Variants in FAM110B observed in about 807,000 individuals in gnomAD.
FAM110B encodes the protein family with sequence similarity 110 member B.
In FAM110B, 6 loss-of-function variants were observed where a neutral mutation model predicts 20.4. The ratio of observed to expected loss-of-function variants is 0.29; its 90% CI spans 0.16 to 0.58. FAM110B has a LOEUF of 0.58. Among genes scored for constraint, FAM110B ranks in the 20% least tolerant of loss-of-function variants. The pLI is 0.90. For missense variants in FAM110B, 434 were observed against 498.2 expected, an observed-to-expected ratio of 0.87 and a Z score of 1.23; for synonymous variants, 226 against 214.1, an observed-to-expected ratio of 1.06 and a Z score of -0.49.
chr8:58,115,741 G>A (rs969318731), intron 3 of FAM110B, among the ~76,000 whole-genome samples: 3 of 152,240 alleles, frequency 2.0e-5, no homozygotes, highest in East Asian at 1.9e-4. Flanking sequence ...TCCAGACATC[G>A]GTACTGTACA....
At chr8:58,091,190 C>T (rs529036151) in intron 3 of FAM110B, among the ~76,000 whole-genome samples, 1 of 152,328 alleles carries the variant, frequency 6.6e-6, no homozygotes, top group Admixed American at 6.5e-5. Context: ...TTTTCATACT[C>T]CTCTCTTCAG....
intron 3 of FAM110B, among the ~76,000 whole-genome samples, chr8:58,135,907 C>T (rs894260002): frequency 3.3e-5 from 5 of 151,856 alleles, no homozygotes; most frequent in Non-Finnish European, 7.4e-5. Context: ...TTATAATCAC[C>T]GAGTTCATTG....
intron 3 of FAM110B, among the ~76,000 whole-genome samples, chr8:58,112,463 C>CTGAG (rs1450987738): frequency 1.3e-5 from 2 of 152,250 alleles, no homozygotes; most frequent in Non-Finnish European, 1.5e-5. Context: ...CTTCTGAAGT[C>CTGAG]TGAGTCATTG....
chr8:58,136,547 G>A (rs1032987478), intron 3 of FAM110B, among the ~76,000 whole-genome samples: 3 of 152,116 alleles, frequency 2.0e-5, no homozygotes, highest in East Asian at 3.9e-4. Context: ...AATTCTAGTG[G>A]CCCTGCTTTT....
intron 2 of FAM110B, among the ~76,000 whole-genome samples, chr8:58,075,218 G>T (rs910743724): frequency 3.3e-5 from 5 of 149,726 alleles, no homozygotes; most frequent in South Asian, 2.1e-4. Flanking sequence ...TGATTCTTGT[G>T]CCTCAGCCTC....
chr8:58,106,867 GTT>G, intron 3 of FAM110B, among the ~76,000 whole-genome samples: 1 of 152,200 alleles, frequency 6.6e-6, no homozygotes, highest in Non-Finnish European at 1.5e-5. Context: ...ACCTCAGTGT[GTT>G]TATGTTGTCA....
chr8:58,028,059 A>G (rs975712140), intron 1 of FAM110B, among the ~76,000 whole-genome samples: 42 of 152,220 alleles, frequency 2.8e-4, no homozygotes, highest in African/African-American at 9.4e-4. Flanking sequence ...TGAATTTCCA[A>G]CAATCATTGT....
chr8:58,122,022 G>T (rs1444989700), intron 3 of FAM110B, among the ~76,000 whole-genome samples: 1 of 152,154 alleles, frequency 6.6e-6, no homozygotes. Flanking sequence ...AGCCTCCTAA[G>T]TAAAGGGGCC....
At chr8:58,016,882 TA>T (rs1804648946) in intron 1 of FAM110B, among the ~76,000 whole-genome samples, 1 of 152,096 alleles carries the variant, frequency 6.6e-6, no homozygotes, top group African/African-American at 2.4e-5. Flanking sequence ...GCCTGCCTTC[TA>T]AGAGAAGGTA....
At chr8:58,100,805 G>C (rs1226482020) in intron 3 of FAM110B, 1 of 152,194 alleles carries the variant, frequency 6.6e-6, no homozygotes, top group Non-Finnish European at 1.5e-5. Flanking sequence ...GCATTCTGAG[G>C]TATTGGAGGT....
intron 2 of FAM110B, among the ~76,000 whole-genome samples, chr8:58,074,222 GT>G (rs1446155280): frequency 6.6e-6 from 1 of 152,138 alleles, no homozygotes; most frequent in African/African-American, 2.4e-5. Context: ...ACTCTGGTTT[GT>G]TTTTTCCCTG....
At chr8:58,056,030 T>C (rs1232801253) in intron 2 of FAM110B, among the ~76,000 whole-genome samples, 6 of 152,198 alleles carry the variant, frequency 3.9e-5, no homozygotes, top group Non-Finnish European at 8.8e-5. Context: ...ATTGCCTGTG[T>C]GCCAAATCCA....
intron 2 of FAM110B, among the ~76,000 whole-genome samples, chr8:58,051,573 C>T (rs900102502): frequency 1.3e-5 from 2 of 152,110 alleles, no homozygotes; most frequent in African/African-American, 2.4e-5. Context: ...GTTTACTTTT[C>T]GGAGAGGCCG....
At chr8:58,071,213 A>T (rs1296959836) in intron 2 of FAM110B, among the ~76,000 whole-genome samples, 1 of 152,226 alleles carries the variant, frequency 6.6e-6, no homozygotes, top group Non-Finnish European at 1.5e-5. Context: ...GGCAAGGCTG[A>T]GGTTCAAATA....
At chr8:58,118,443 G>A (rs59496630) in intron 3 of FAM110B, among the ~76,000 whole-genome samples, 13,148 of 152,240 alleles carry the variant, frequency 0.086, 1,122 homozygotes, top group African/African-American at 0.22. Context: ...GGGGGTAGGG[G>A]AGACCAAATT....
intron 2 of FAM110B, among the ~76,000 whole-genome samples, chr8:58,036,643 T>G (rs1805077579): frequency 6.6e-6 from 1 of 152,194 alleles, no homozygotes; most frequent in Non-Finnish European, 1.5e-5. Flanking sequence ...ATGGGATAGA[T>G]TAGTGAGAAC....
At chr8:58,127,297 G>A (rs1255666695) in intron 3 of FAM110B, among the ~76,000 whole-genome samples, 1 of 152,160 alleles carries the variant, frequency 6.6e-6, no homozygotes, top group South Asian at 2.1e-4. Flanking sequence ...CTTGATTACT[G>A]TAGCTAGATA....
intron 3 of FAM110B, among the ~76,000 whole-genome samples, chr8:58,118,575 G>A (rs1807277377): frequency 6.6e-6 from 1 of 152,146 alleles, no homozygotes. Context: ...GGTACCTGGG[G>A]CTGAGCTGCT....
intron 1 of FAM110B, among the ~76,000 whole-genome samples, chr8:58,005,836 T>C (rs1399931805): frequency 6.6e-6 from 1 of 152,246 alleles, no homozygotes; most frequent in Non-Finnish European, 1.5e-5. Context: ...CTATTTACTC[T>C]TCAGATTTTG....
Sources: gnomAD v4.1 joint callset for allele counts (sites outside exome capture counted in the v4.1 genomes callset) on GRCh38, gnomAD v4.1.1 for gene constraint, MANE v1.5 for transcripts, NCBI Gene and HGNC (gene_info 2026-07-23, HGNC 2026-07-21) for gene names.